Variants in MRPL34 observed in about 807,000 individuals in gnomAD.
MRPL34 encodes the protein mitochondrial ribosomal protein L34.
A neutral mutation model predicts 6.7 loss-of-function variants in MRPL34; 8 were observed. The ratio of observed to expected loss-of-function variants is 1.20; its 90% CI spans 0.70 to 2.16. MRPL34 has a LOEUF of 2.16. Ranked by LOEUF, MRPL34 falls within the 30% of genes most tolerant of loss-of-function variation. The probability of loss-of-function intolerance (pLI) is 0.00; values close to 1 mark genes in which losing one functional copy is unlikely to be tolerated. For missense variants in MRPL34, 146 were observed against 125.5 expected, an observed-to-expected ratio of 1.16 and a Z score of -0.78; for synonymous variants, 59 against 55.1, an observed-to-expected ratio of 1.07 and a Z score of -0.31.
chr19:17,299,198 C>T (rs528470271), upstream of MRPL34, among the ~76,000 whole-genome samples: 42 of 151,288 alleles, frequency 2.8e-4, 1 homozygote, highest in East Asian at 7.4e-3. Flanking sequence ...TGGCTTGAGC[C>T]CAGGAGTTCA....
chr19:17,305,853 G>C, upstream of MRPL34: 2 of 1,604,460 alleles, frequency 1.2e-6, no homozygotes, highest in South Asian at 1.1e-5. Flanking sequence ...TCTGGGCTCC[G>C]GAATCGCCCG....
rs771233985 is a variant in MRPL34, at chr19:17,306,147, C to T, written c.66-19C>T. ...CAGCGCCCCGTCTGACCTTTCTCGC[C>T]GTCCCTCTACCCACGCAGGTGGCTC... On this transcript the variant is annotated intron_variant, in intron 1 of 1. Transcript: ENST00000252602. The T allele has an allele frequency of 3.1e-5, 47 of 1,509,716 alleles. No homozygotes were observed. The highest frequency in any genetic ancestry group is 5.6e-5 in the African/African-American group (4 of 71,072). The allele number at this position is 1,509,716 out of a possible 1,614,324, so 93.5% of individuals were successfully genotyped here.
chr19:17,305,668 C>T, upstream of MRPL34: 1 of 587,840 alleles, frequency 1.7e-6, no homozygotes, highest in East Asian at 2.9e-5. Context: ...GCGCCGTTCG[C>T]CGGCTACCTG....
At chr19:17,295,534 G>A (rs1015346285) in intron 1 of MRPL34, among the ~76,000 whole-genome samples, 18 of 152,058 alleles carry the variant, frequency 1.2e-4, no homozygotes, top group Admixed American at 1.3e-4. Context: ...AGCCTCCCGA[G>A]TAGCTGGGAG....
upstream of MRPL34, among the ~76,000 whole-genome samples, chr19:17,304,073 T>A (rs2074134891): frequency 6.6e-6 from 1 of 152,118 alleles, no homozygotes; most frequent in Non-Finnish European, 1.5e-5. Context: ...AGGGCTGAGA[T>A]CACTGGCGTG....
In MRPL34 at chr19:17,296,430, G is replaced by C. The variant is rs143336254; in HGVS notation, c.214+3576G>C. ...TCAGCAAGTGGTAGGAAAGCAATCT[G>C]ATTAAACAAATGCTTCCGGCTGCCC... On this transcript the variant is annotated intron_variant, in intron 1 of 2. Coordinates refer to the MRPL34 transcript ENST00000595444. The C allele has an allele frequency of 4.6e-5, 7 of 152,282 alleles. No homozygotes were observed. The East Asian group carries it at 1.3e-3, about 29-fold the overall frequency. The allele number at this position is 152,282 out of a possible 1,614,324, so 9.4% of individuals were successfully genotyped here.
At chr19:17,304,060 C>T (rs2074134816), upstream of MRPL34, among the ~76,000 whole-genome samples, 1 of 152,228 alleles carries the variant, frequency 6.6e-6, no homozygotes, top group African/African-American at 2.4e-5. Context: ...TACGGCCTCC[C>T]AAAGGGCTGA....
rs377511517 is a variant in MRPL34, at chr19:17,292,657, G to A, written c.17G>A (p.Ser6Asn). The change falls in exon 1 of 3, where the codon AGC becomes AAC. Residue 6 changes from serine to asparagine, a missense_variant. Transcript: ENST00000595444. ...CACCAAGCGATGCCCCGCCGGCCCAGCGGCTACTTCTTGTCTTCTGGAGGC... is the reference window on the plus strand; with the variant it reads ...CACCAAGCGATGCCCCGCCGGCCCAACGGCTACTTCTTGTCTTCTGGAGGC... 48 of 1,606,368 alleles carry A rather than the reference G, an allele frequency of 3.0e-5. No homozygotes were observed. The African/African-American group carries it at 5.7e-4, about 19-fold the overall frequency.
Position 17,306,322 on chromosome 19 carries a change from C to G in MRPL34, c.222C>G (p.Ala74=). ...GGGTCCGGCGCCTGAGCACGCCGGC[C>G]GGCGTGCAGGTCATCCTTCGCCGAA... is the stretch of plus-strand genomic sequence containing the variant. The part of the protein sequence containing the change: ...HGWVRRLSTP[A]GVQVILRRML... The change falls in exon 2 of 2, where the codon GCC becomes GCG. Residue 74 remains alanine, a synonymous_variant. Coordinates refer to ENST00000252602, the MANE Select transcript of MRPL34 (RefSeq NM_023937.4). The G allele has an allele frequency of 6.2e-7, 1 of 1,610,304 alleles. No homozygotes were observed. The highest frequency in any genetic ancestry group is 1.1e-5 in the South Asian group (1 of 90,748).
upstream of MRPL34, chr19:17,300,766 C>T (rs560544932): frequency 7.5e-6 from 11 of 1,467,392 alleles, no homozygotes; most frequent in Admixed American, 6.8e-5. Flanking sequence ...GCGTGAGCCA[C>T]GGGGCTCAGC....
chr19:17,294,940 GT>G, intron 1 of MRPL34: 1 of 1,428,424 alleles, frequency 7.0e-7, no homozygotes, highest in Non-Finnish European at 9.5e-7. Flanking sequence ...TTTTGTTTTT[GT>G]TTGAGACAGT....
At chr19:17,300,195 C>T (rs941648996), upstream of MRPL34, among the ~76,000 whole-genome samples, 12 of 151,704 alleles carry the variant, frequency 7.9e-5, no homozygotes, top group Non-Finnish European at 1.3e-4. Context: ...TGAGCCACCG[C>T]GCCCGGATTT....
intron 1 of MRPL34, chr19:17,294,975 A>T (rs974881551): frequency 7.0e-6 from 8 of 1,136,432 alleles, no homozygotes; most frequent in Non-Finnish European, 9.9e-6. Flanking sequence ...CCAGGCTGGA[A>T]TGCAGTGGCT....
chr19:17,300,577 A>C (rs2074112742), upstream of MRPL34, among the ~76,000 whole-genome samples: 1 of 151,978 alleles, frequency 6.6e-6, no homozygotes, highest in Non-Finnish European at 1.5e-5. Context: ...TCCTCGGTTC[A>C]AGTGATTCCT....
At chr19:17,305,671 GCTAC>G, upstream of MRPL34, 1 of 590,888 alleles carries the variant, frequency 1.7e-6, no homozygotes, top group Non-Finnish European at 3.0e-6. Flanking sequence ...CCGTTCGCCG[GCTAC>G]CTGTTGGTGT....
upstream of MRPL34, chr19:17,300,770 G>T (rs1269438955): frequency 4.7e-6 from 7 of 1,475,468 alleles, no homozygotes; most frequent in Admixed American, 1.6e-4. Flanking sequence ...GAGCCACGGG[G>T]CTCAGCCAAA....
At chr19:17,301,497 G>T, upstream of MRPL34, 1 of 1,611,706 alleles carries the variant, frequency 6.2e-7, no homozygotes, top group South Asian at 1.1e-5. Flanking sequence ...GCACGCGGCC[G>T]GGCTTGACCT....
chr19:17,294,564 C>T (rs1270191962), intron 1 of MRPL34: 3 of 1,610,396 alleles, frequency 1.9e-6, no homozygotes, highest in Non-Finnish European at 2.5e-6. Context: ...CGTGGGGTGC[C>T]CCCGATGCCA....
intron 1 of MRPL34, chr19:17,294,179 G>T: frequency 7.3e-7 from 1 of 1,368,368 alleles, no homozygotes; most frequent in Non-Finnish European, 9.8e-7. Flanking sequence ...GCCCCCTCGG[G>T]AAGAAAGCAC....
Sources: gnomAD v4.1 joint callset for allele counts (sites outside exome capture counted in the v4.1 genomes callset) on GRCh38, gnomAD v4.1.1 for gene constraint, MANE v1.5 for transcripts, NCBI Gene and HGNC (gene_info 2026-07-23, HGNC 2026-07-21) for gene names.